Variants in ANO4 observed in about 807,000 individuals in gnomAD.
ANO4 encodes anoctamin-4.
ANO4 carries 69 observed loss-of-function variants against 141.9 expected under a neutral mutation model. The ratio of observed to expected loss-of-function variants is 0.49; its 90% confidence interval spans 0.40 to 0.59. The LOEUF (loss-of-function observed/expected upper bound fraction) is 0.59, where lower values mean the gene tolerates loss of function less well. Among genes scored for constraint, ANO4 ranks in the 20% least tolerant of loss-of-function variants. The probability of loss-of-function intolerance (pLI) is 0.00; values close to 1 mark genes in which losing one functional copy is unlikely to be tolerated. For synonymous variants in ANO4, 350 were observed against 394.3 expected (o/e 0.89, Z 1.33); for missense variants, 894 against 1,162.2 (o/e 0.77, Z 3.36).
chr12:100,923,831 A>G (rs1306150399), intron 3 of ANO4, among the ~76,000 whole-genome samples: 1 of 152,116 alleles, frequency 6.6e-6, no homozygotes, highest in Non-Finnish European at 1.5e-5. Context: ...TCGCCATTCT[A>G]ACTTGTGTTA....
chr12:100,872,128 TATTC>T (rs565490193), intron 1 of ANO4, among the ~76,000 whole-genome samples: 2 of 152,214 alleles, frequency 1.3e-5, no homozygotes, highest in Non-Finnish European at 2.9e-5. Context: ...TTCTCAATAT[TATTC>T]ATTCATTCAT....
intron 5 of ANO4, among the ~76,000 whole-genome samples, chr12:100,958,607 G>A (rs534296875): frequency 2.6e-5 from 4 of 152,164 alleles, no homozygotes; most frequent in Non-Finnish European, 4.4e-5. Context: ...CAGCACTTTG[G>A]GAGGCCAAGG....
intron 24 of ANO4, among the ~76,000 whole-genome samples, chr12:101,112,790 C>T (rs1470284003): frequency 6.6e-6 from 1 of 152,202 alleles, no homozygotes; most frequent in Non-Finnish European, 1.5e-5. Context: ...ATAAAGCTCA[C>T]AATCCAGTTA....
intron 7 of ANO4, among the ~76,000 whole-genome samples, chr12:100,979,753 A>T (rs2044365483): frequency 6.6e-6 from 1 of 151,390 alleles, no homozygotes; most frequent in Admixed American, 6.6e-5. Context: ...TTTGAGATGG[A>T]GTCTCACTGT....
At chr12:100,856,178 C>T (rs1363794153) in intron 1 of ANO4, among the ~76,000 whole-genome samples, 1 of 152,068 alleles carries the variant, frequency 6.6e-6, no homozygotes, top group African/African-American at 2.4e-5. Flanking sequence ...ACTTGAAGTA[C>T]TTTGCCGAAG....
intron 14 of ANO4, among the ~76,000 whole-genome samples, chr12:101,056,475 G>C (rs1338682030): frequency 6.6e-6 from 1 of 151,996 alleles, no homozygotes; most frequent in Non-Finnish European, 1.5e-5. Flanking sequence ...TCAGTTATTA[G>C]TGCTTCTAGC....
intron 9 of ANO4, among the ~76,000 whole-genome samples, chr12:101,035,854 G>A (rs1018921849): frequency 1.3e-5 from 2 of 152,120 alleles, no homozygotes; most frequent in African/African-American, 4.8e-5. Context: ...CCTACTTGAG[G>A]GTGGAGGGTG....
At chr12:101,099,355 A>G (rs1342238058) in intron 21 of ANO4, among the ~76,000 whole-genome samples, 3 of 152,202 alleles carry the variant, frequency 2.0e-5, no homozygotes, top group Non-Finnish European at 2.9e-5. Flanking sequence ...AGTTTCATGA[A>G]TGATTAAAAC....
chr12:101,010,995 T>C (rs945346773), intron 8 of ANO4, among the ~76,000 whole-genome samples: 4 of 152,238 alleles, frequency 2.6e-5, no homozygotes, highest in Admixed American at 6.5e-5. Context: ...CTCAATGAGC[T>C]GGACAGTCCA....
In ANO4 at chr12:101,120,477, A is replaced by G. The variant is rs1299356012; in HGVS notation, c.2571-43A>G. 3 of 1,541,624 alleles carry G rather than the reference A, an allele frequency of 1.9e-6. No individual in the cohort carries two copies. The Admixed American group carries it at 5.1e-5, about 26-fold the overall frequency. ...AGAATGGAAGAGATTTGAGAATCAG[A>G]AAAATCATAGTTTGAATGCAACATT... On this transcript the variant is annotated intron_variant, in intron 25 of 27. Transcript: ENST00000392977.
At chr12:101,064,959 A>G (rs1221212521) in intron 14 of ANO4, among the ~76,000 whole-genome samples, 2 of 152,238 alleles carry the variant, frequency 1.3e-5, no homozygotes, top group East Asian at 3.9e-4. Flanking sequence ...CGTCTTGGTT[A>G]TCAGATACTG....
At chr12:101,020,319 C>A (rs1012966719) in intron 9 of ANO4, among the ~76,000 whole-genome samples, 179 bp downstream of exon 9, 1 of 152,180 alleles carries the variant, frequency 6.6e-6, no homozygotes, top group Non-Finnish European at 1.5e-5. Context: ...TAAATATCTT[C>A]TTTAAATAGC....
intron 3 of ANO4, among the ~76,000 whole-genome samples, chr12:100,768,861 A>T (rs2033189237): frequency 6.6e-6 from 1 of 152,186 alleles, no homozygotes; most frequent in Non-Finnish European, 1.5e-5. Flanking sequence ...GTGTAGAATT[A>T]AGTTTGGCAT....
intron 3 of ANO4, among the ~76,000 whole-genome samples, chr12:100,775,105 A>G (rs960114850): frequency 2.6e-5 from 4 of 152,200 alleles, no homozygotes; most frequent in African/African-American, 9.6e-5. Flanking sequence ...TCTCTCCCCA[A>G]CTGAAAAATA....
intron 5 of ANO4, among the ~76,000 whole-genome samples, chr12:100,970,950 C>G (rs1194181559): frequency 6.6e-6 from 1 of 152,168 alleles, no homozygotes; most frequent in Non-Finnish European, 1.5e-5. Context: ...AACTCCTGAC[C>G]TCAGGTGATC....
intron 8 of ANO4, among the ~76,000 whole-genome samples, chr12:100,995,855 A>G (rs1003476913): frequency 2.0e-5 from 3 of 152,192 alleles, no homozygotes; most frequent in African/African-American, 7.2e-5. Context: ...TGTGAGACCA[A>G]AGAGAACAGG....
intron 14 of ANO4, among the ~76,000 whole-genome samples, chr12:101,050,290 A>C (rs2047805854): frequency 6.6e-6 from 1 of 152,298 alleles, no homozygotes; most frequent in South Asian, 2.1e-4. Context: ...GCCTCTCTCA[A>C]GCTTCGGGCT....
intron 8 of ANO4, among the ~76,000 whole-genome samples, chr12:100,995,476 G>A (rs1450300118): frequency 6.6e-6 from 1 of 152,154 alleles, no homozygotes; most frequent in Admixed American, 6.5e-5. Context: ...CTTAACTTTT[G>A]ACAGTGTCAT....
intron 1 of ANO4, among the ~76,000 whole-genome samples, chr12:100,820,285 C>T (rs1195152268): frequency 6.7e-6 from 1 of 149,904 alleles, no homozygotes; most frequent in Non-Finnish European, 1.5e-5. Context: ...TAAACTCTTT[C>T]AAACAGTTAA....
Sources: gnomAD v4.1 joint callset for allele counts (sites outside exome capture counted in the v4.1 genomes callset) on GRCh38, gnomAD v4.1.1 for gene constraint, MANE v1.5 for transcripts, NCBI Gene and HGNC (gene_info 2026-07-23, HGNC 2026-07-21) for gene names.